TIMP2: variants seen among roughly 807,000 people sequenced by gnomAD.
TIMP2 encodes the protein metalloproteinase inhibitor 2.
Under a neutral mutation model 24.3 loss-of-function variants are expected in TIMP2, and 5 were observed. That is an observed-to-expected ratio of 0.21 (90% confidence interval 0.11 to 0.43). The LOEUF is 0.43. Ranked by LOEUF, TIMP2 falls within the 20% of genes least tolerant of loss-of-function variation. The pLI, the probability that TIMP2 is intolerant of heterozygous loss-of-function variation, is 1.00. For synonymous variants in TIMP2, 130 were observed against 123.2 expected, an observed-to-expected ratio of 1.06 and a Z score of -0.37; for missense variants, 221 against 297.5, an observed-to-expected ratio of 0.74 and a Z score of 1.89.
At chr17:78,923,510 C>G (rs954159732) in intron 1 of TIMP2, among the ~76,000 whole-genome samples, 1 of 152,052 alleles carries the variant, frequency 6.6e-6, no homozygotes, top group Non-Finnish European at 1.5e-5. Context: ...TGCCCCAGCA[C>G]GTGCTGGTGA....
chr17:78,864,438 T>C (rs2069592909), intron 3 of TIMP2, among the ~76,000 whole-genome samples: 6 of 150,014 alleles, frequency 4.0e-5, no homozygotes. Flanking sequence ...AGATAGGGTC[T>C]TGCTATATCG....
At chr17:78,866,756 G>A (rs1406781868) in intron 3 of TIMP2, among the ~76,000 whole-genome samples, 5 of 152,112 alleles carry the variant, frequency 3.3e-5, no homozygotes, top group Admixed American at 1.3e-4. Context: ...ATGACCCTTG[G>A]AAACACGAAA....
intron 1 of TIMP2, among the ~76,000 whole-genome samples, chr17:78,888,155 C>CTTTTTTTTTTTTTTTTTTTTTTTTT (rs5822277): frequency 7.1e-6 from 1 of 141,506 alleles, no homozygotes. Flanking sequence ...CTTTTTGTTT[C>CTTTTTTTTTTTTTTTTTTTTTTTTT]TTTTTTTTTT....
chr17:78,920,197 A>G lies in TIMP2; in HGVS notation c.130+4762T>C, dbSNP rs1180908826. 1.3e-5 allele frequency among the ~76,000 whole-genome samples: 2 copies of G among 152,080 alleles called. No individual in the cohort carries two copies. The highest frequency in any genetic ancestry group is 6.5e-5 in the Admixed American group (1 of 15,268). On this transcript the variant is annotated intron_variant, in intron 1 of 4. Coordinates refer to ENST00000262768, the MANE Select transcript of TIMP2 (RefSeq NM_003255.5). This position sits in a 1 kb window ranked among gnomAD's most constrained non-coding sequence, Gnocchi z 4.5. ...AGGAGTCATCTATGCCCTGTTCTCC[A>G]TGTGCTCAGATGTCGCCACAGAGTC...
chr17:78,901,458 A>G (rs60008520), intron 1 of TIMP2, among the ~76,000 whole-genome samples: 7,093 of 152,114 alleles, frequency 0.047, 343 homozygotes, highest in African/African-American at 0.13. Context: ...GGCGGTAAGG[A>G]CGGGGAGAAG....
At position 78,868,980 on chromosome 17, in the gene TIMP2, G is replaced by C. The variant is rs1281716413; in HGVS notation, c.340+1918C>G. Among the ~76,000 whole-genome samples the C allele has an allele frequency of 3.3e-5, 5 of 152,188 alleles. No homozygotes were observed. In the East Asian group the frequency reaches 9.6e-4, roughly 29 times the overall value. ...CAGCTGAATATCCTATAATGCATAA[G>C]GTAGGCCCCCACAACAAAGAATGGT... On this transcript the variant is annotated intron_variant, in intron 3 of 4. Coordinates refer to ENST00000262768, the MANE Select transcript of TIMP2 (RefSeq NM_003255.5).
At chr17:78,868,289 C>T (rs554345292) in intron 3 of TIMP2, among the ~76,000 whole-genome samples, 1 of 152,052 alleles carries the variant, frequency 6.6e-6, no homozygotes, top group Non-Finnish European at 1.5e-5. Context: ...CTTGCTCAGT[C>T]ACCCAGGCTG....
intron 1 of TIMP2, among the ~76,000 whole-genome samples, chr17:78,915,045 C>T (rs1054002505): frequency 3.3e-5 from 5 of 151,648 alleles, no homozygotes; most frequent in Non-Finnish European, 7.4e-5. Flanking sequence ...TACAGGTGCC[C>T]GCCACCACGC....
intron 1 of TIMP2, chr17:78,892,403 T>TCAAGGGGCCCGGG (rs2069915344): frequency 6.5e-7 from 1 of 1,550,294 alleles, no homozygotes; most frequent in Admixed American, 2.0e-5. Context: ...AGTGGAGGGT[T>TCAAGGGGCCCGGG]CAAGGGGCGC....
Position 78,891,452 on chromosome 17 carries a change from AT to A in TIMP2, c.131-17534del. On this transcript the variant is annotated intron_variant, in intron 1 of 4. Transcript: ENST00000262768. This position sits in a 1 kb window ranked among gnomAD's most constrained non-coding sequence, Gnocchi z 4.5. ...CAGGTGTTTTTTCAGCTTTCTGTTT[AT>A]ATTAAACAACTCTTCAAAGGCCAAC... 2.6e-6 allele frequency: 4 copies of A among 1,551,004 alleles called. No homozygotes were observed. Among genetic ancestry groups the A allele is most frequent in the Non-Finnish European group, 3.5e-6 (4 of 1,147,078 alleles).
chr17:78,914,519 G>A (rs1249306201), intron 1 of TIMP2, among the ~76,000 whole-genome samples: 7 of 151,820 alleles, frequency 4.6e-5, no homozygotes, highest in African/African-American at 1.5e-4. Flanking sequence ...CTGACCTCAG[G>A]TGATCCACCC....
At chr17:78,903,971 G>A (rs1246378775) in intron 1 of TIMP2, 2 of 152,320 alleles carry the variant, frequency 1.3e-5, no homozygotes, top group Non-Finnish European at 2.9e-5. Context: ...GCCCAGGCTG[G>A]AGTACGGTGG....
Position 78,896,882 on chromosome 17 carries a change from G to C in TIMP2, c.131-22963C>G. ...TGGCAGCTCCACCCCAGACCGATCC[G>C]ATCCCAGCACCTGGGCCCAGGAATG... On this transcript the variant is annotated intron_variant, in intron 1 of 4. Transcript: ENST00000262768. This position sits in a 1 kb window ranked among gnomAD's most constrained non-coding sequence, Gnocchi z 4.4. The C allele has an allele frequency of 1.0e-6, 1 of 979,928 alleles. No homozygotes were observed. The highest frequency in any genetic ancestry group is 1.2e-6 in the Non-Finnish European group (1 of 825,072). The allele number at this position is 979,928 out of a possible 1,614,324, so 60.7% of individuals were successfully genotyped here.
At chr17:78,909,334 G>C (rs1251843946) in intron 1 of TIMP2, among the ~76,000 whole-genome samples, 1 of 151,494 alleles carries the variant, frequency 6.6e-6, no homozygotes, top group South Asian at 2.1e-4. Context: ...CAGCCTGGGC[G>C]ACAGAGCAAG....
At chr17:78,902,968 G>T (rs1003819090) in intron 1 of TIMP2, among the ~76,000 whole-genome samples, 1 of 152,170 alleles carries the variant, frequency 6.6e-6, no homozygotes, top group Non-Finnish European at 1.5e-5. Flanking sequence ...GGACTTTGCC[G>T]CTGGCCTTGC....
At chr17:78,865,600 G>T (rs1227150725) in intron 3 of TIMP2, among the ~76,000 whole-genome samples, 2 of 147,642 alleles carry the variant, frequency 1.4e-5, no homozygotes, top group African/African-American at 5.0e-5. Flanking sequence ...CTCCAGCCTG[G>T]GCAACAAGAC....
rs918632313 is a variant in TIMP2, at chr17:78,920,462, C to G, written c.130+4497G>C. Among the ~76,000 whole-genome samples the G allele has an allele frequency of 3.3e-5, 5 of 152,130 alleles. No homozygotes were observed. Among genetic ancestry groups the G allele is most frequent in the Non-Finnish European group, 7.4e-5 (5 of 68,020 alleles). ...TTGTCCAGAGAGCTCCTTCCAGCAC[C>G]TGCCATACCTCCAGGCTGTGCACAG... On this transcript the variant is annotated intron_variant, in intron 1 of 4. Coordinates refer to ENST00000262768, the MANE Select transcript of TIMP2 (RefSeq NM_003255.5). The surrounding 1 kb of genome is among the most constrained non-coding windows in gnomAD (Gnocchi z 4.5).
intron 1 of TIMP2, chr17:78,890,553 G>T: frequency 1.4e-6 from 2 of 1,409,724 alleles, no homozygotes; most frequent in South Asian, 1.4e-5. Flanking sequence ...AGGCAATGAC[G>T]CAAACACAGA....
In TIMP2 at chr17:78,891,528, C is replaced by T. The variant is rs114738226; in HGVS notation, c.131-17609G>A. 1.4e-3 allele frequency: 2,221 copies of T among 1,551,120 alleles called. 28 individuals carry two copies. In the African/African-American group the frequency reaches 0.028, roughly 19 times the overall value. The stretch of plus-strand genomic sequence containing the variant: ...TTCTCCCGGAGCGTGCACTGAGATG[C>T]TGGGGACACGGCTTCCCTTCTGCAG... On this transcript the variant is annotated intron_variant, in intron 1 of 4. Coordinates refer to ENST00000262768, the MANE Select transcript of TIMP2 (RefSeq NM_003255.5). The surrounding 1 kb of genome is among the most constrained non-coding windows in gnomAD (Gnocchi z 4.5).
Sources: gnomAD v4.1 joint callset for allele counts (sites outside exome capture counted in the v4.1 genomes callset) on GRCh38, gnomAD v4.1.1 for gene constraint, Gnocchi (gnomAD v3.1) non-coding constraint, MANE v1.5 for transcripts, NCBI Gene and HGNC (gene_info 2026-07-23, HGNC 2026-07-21) for gene names.